Variants in KCNIP4 observed in about 807,000 individuals in gnomAD.
KCNIP4 encodes potassium voltage-gated channel interacting protein 4.
In KCNIP4, 12 loss-of-function variants were observed where a neutral mutation model predicts 34.0. The observed-to-expected ratio is 0.35, with a 90% CI of 0.23 to 0.57. The LOEUF (loss-of-function observed/expected upper bound fraction) is 0.57, where lower values mean the gene tolerates loss of function less well. Among genes scored for constraint, KCNIP4 ranks in the 20% least tolerant of loss-of-function variants. KCNIP4 has a pLI of 0.83. For missense variants in KCNIP4, 238 were observed against 311.7 expected, an observed-to-expected ratio of 0.76 and a Z score of 1.78; for synonymous variants, 124 against 102.2, an observed-to-expected ratio of 1.21 and a Z score of -1.29.
At chr4:21,784,355 C>T (rs1342384987) in intron 1 of KCNIP4, among the ~76,000 whole-genome samples, 2 of 151,860 alleles carry the variant, frequency 1.3e-5, no homozygotes, top group African/African-American at 4.8e-5. Context: ...TACAGAACAG[C>T]AACTTAAAAA....
chr4:21,844,958 CAAA>C (rs57764730), intron 1 of KCNIP4: 1 of 144,068 alleles, frequency 6.9e-6, no homozygotes, highest in African/African-American at 2.6e-5. Context: ...AATAAAGATT[CAAA>C]AAAAAAAAGA....
chr4:21,392,244 C>A (rs1722629549), intron 1 of KCNIP4, among the ~76,000 whole-genome samples: 1 of 152,132 alleles, frequency 6.6e-6, no homozygotes, highest in African/African-American at 2.4e-5. Flanking sequence ...GGTGGAAGTG[C>A]ACAATGAATA....
intron 1 of KCNIP4, among the ~76,000 whole-genome samples, chr4:21,298,326 G>T (rs568363832): frequency 3.9e-4 from 60 of 152,146 alleles, no homozygotes; most frequent in South Asian, 1.2e-3. Context: ...CCCAATTGAT[G>T]CTTGTGTTAT....
At chr4:21,702,273 G>C (rs1428262482) in intron 1 of KCNIP4, among the ~76,000 whole-genome samples, 1 of 152,098 alleles carries the variant, frequency 6.6e-6, no homozygotes, top group African/African-American at 2.4e-5. Context: ...AAGAGAGAGA[G>C]AGGTGGTATC....
At chr4:20,877,525 C>G (rs1310350140) in intron 2 of KCNIP4, among the ~76,000 whole-genome samples, 1 of 152,036 alleles carries the variant, frequency 6.6e-6, no homozygotes, top group Non-Finnish European at 1.5e-5. Flanking sequence ...TGATTTTGAG[C>G]AAATAATCTC....
chr4:21,524,744 A>C (rs1310136123), intron 1 of KCNIP4, among the ~76,000 whole-genome samples: 1 of 151,802 alleles, frequency 6.6e-6, no homozygotes, highest in Non-Finnish European at 1.5e-5. Flanking sequence ...CCATTATCAG[A>C]TTGTAAGGGC....
intron 1 of KCNIP4, among the ~76,000 whole-genome samples, chr4:21,690,906 T>C (rs1331863508): frequency 1.3e-5 from 2 of 152,280 alleles, no homozygotes; most frequent in South Asian, 2.1e-4. Context: ...ACTTCTGGAA[T>C]GTAAAAAAAC....
chr4:21,383,085 C>T (rs1209297723), intron 1 of KCNIP4, among the ~76,000 whole-genome samples: 1 of 152,112 alleles, frequency 6.6e-6, no homozygotes, highest in East Asian at 1.9e-4. Context: ...CATAAAGAAA[C>T]ACCTGGGATG....
intron 1 of KCNIP4, among the ~76,000 whole-genome samples, chr4:20,976,842 C>T (rs1396934106): frequency 6.6e-6 from 1 of 151,718 alleles, no homozygotes; most frequent in Non-Finnish European, 1.5e-5. Flanking sequence ...AACTTTTTCT[C>T]TTTTTTTTGA....
At position 21,479,979 on chromosome 4, in the gene KCNIP4, TAGAA is replaced by T. The variant is rs546090979; in HGVS notation, c.61+468588_61+468591del. Among the ~76,000 whole-genome samples, 4 of 151,572 alleles carry T rather than the reference TAGAA, an allele frequency of 2.6e-5. No individual in the cohort carries two copies. The South Asian group carries it at 6.2e-4, about 24-fold the overall frequency. On this transcript the variant is annotated intron_variant, in intron 1 of 8. Transcript: ENST00000382152. ...AGGAATATGATTGTATGTTAAAACT[TAGAA>T]AGACACAAAAGAGATTTTATTATTT...
At chr4:21,340,756 A>T (rs1378581639) in intron 1 of KCNIP4, among the ~76,000 whole-genome samples, 1 of 152,118 alleles carries the variant, frequency 6.6e-6, no homozygotes, top group Non-Finnish European at 1.5e-5. Context: ...TTAGTGTGAG[A>T]CTCAATGGCC....
rs145882301 is a variant in KCNIP4, at chr4:21,680,941, A to G, written c.61+267630T>C. On this transcript the variant is annotated intron_variant, in intron 1 of 8. Coordinates refer to ENST00000382152, the MANE Select transcript of KCNIP4 (RefSeq NM_025221.6). Reference sequence around the variant, plus strand: ...ACAATGATAAAGAAGCATTTGCTGCAACTTAAAGTCATAAGCTGCATTAGT... The same window carrying G: ...ACAATGATAAAGAAGCATTTGCTGCGACTTAAAGTCATAAGCTGCATTAGT... 4.0e-3 allele frequency among the ~76,000 whole-genome samples: 610 copies of G among 152,310 alleles called. 2 individuals carry two copies. Among genetic ancestry groups the G allele is most frequent in the African/African-American group, 0.014 (570 of 41,568 alleles).
chr4:21,121,576 G>A (rs1750159494), intron 1 of KCNIP4, among the ~76,000 whole-genome samples: 1 of 152,216 alleles, frequency 6.6e-6, no homozygotes, highest in South Asian at 2.1e-4. Flanking sequence ...CAGAGAACAT[G>A]TTTTATTAAA....
At chr4:21,807,565 C>T (rs773333701) in intron 1 of KCNIP4, among the ~76,000 whole-genome samples, 9 of 152,148 alleles carry the variant, frequency 5.9e-5, no homozygotes, top group East Asian at 1.9e-4. Context: ...CTTATTCTTT[C>T]AAGTTCTGAA....
chr4:21,528,743 GAAAGAAAGAAAGAAAGA>G (rs1736285232), intron 1 of KCNIP4, among the ~76,000 whole-genome samples: 1 of 6,886 alleles, frequency 1.5e-4, no homozygotes. Context: ...AAGAAAGAAA[GAAAGAAAGAAAGAAAGA>G]AAGAAAGAAA....
At chr4:21,097,038 A>G (rs924220179) in intron 1 of KCNIP4, among the ~76,000 whole-genome samples, 2 of 152,234 alleles carry the variant, frequency 1.3e-5, no homozygotes, top group Non-Finnish European at 2.9e-5. Context: ...AGCACATTTT[A>G]AAATTTAAAA....
At chr4:21,104,240 T>G (rs1252275751) in intron 1 of KCNIP4, among the ~76,000 whole-genome samples, 1 of 151,888 alleles carries the variant, frequency 6.6e-6, no homozygotes, top group Admixed American at 6.6e-5. Flanking sequence ...TTTCTCCACA[T>G]CCTCTCCAGC....
At chr4:20,886,968 A>C (rs1725380177) in intron 1 of KCNIP4, among the ~76,000 whole-genome samples, 1 of 152,166 alleles carries the variant, frequency 6.6e-6, no homozygotes, top group African/African-American at 2.4e-5. Flanking sequence ...AAGTCAATAA[A>C]AACAGACATT....
chr4:21,557,363 T>A (rs1013557691), intron 1 of KCNIP4, among the ~76,000 whole-genome samples: 2 of 152,048 alleles, frequency 1.3e-5, no homozygotes, highest in East Asian at 3.9e-4. Context: ...AAAAGTAAAA[T>A]ACAATATTGG....
Sources: allele counts gnomAD v4.1 joint callset (sites outside exome capture counted in the v4.1 genomes callset), GRCh38; gene constraint gnomAD v4.1.1; transcripts MANE v1.5; gene names NCBI Gene and HGNC (gene_info 2026-07-23, HGNC 2026-07-21).